The following USH2A variants were observed in gnomAD, a reference collection of about 807,000 sequenced individuals.
USH2A encodes the protein usherin.
In USH2A, 443 loss-of-function variants were observed where a neutral mutation model predicts 538.9. That is an observed-to-expected ratio of 0.82 (90% CI 0.76 to 0.89). The LOEUF (loss-of-function observed/expected upper bound fraction) is 0.89. USH2A is among the 40% of genes least tolerant of loss of function. USH2A has a pLI of 0.00. For missense variants in USH2A, 6,633 were observed against 6,324.8 expected (o/e 1.05, Z -1.65); for synonymous variants, 2,413 against 2,273.5 (o/e 1.06, Z -1.75).
intron 32 of USH2A, among the ~76,000 whole-genome samples, chr1:216,039,106 C>T (rs1319976388): frequency 1.3e-5 from 2 of 151,978 alleles, no homozygotes; most frequent in African/African-American, 4.8e-5. Flanking sequence ...CAGCTAACCA[C>T]AACTGATATT....
intron 43 of USH2A, among the ~76,000 whole-genome samples, chr1:215,876,856 T>A (rs1664786511): frequency 1.3e-5 from 2 of 152,032 alleles, no homozygotes; most frequent in South Asian, 4.1e-4. Flanking sequence ...GCAATACAAA[T>A]GTGGCTGGAA....
Position 215,888,760 on chromosome 1 carries a change from G to C in USH2A, c.7889C>G (p.Pro2630Arg). Residue 2630 changes from proline to arginine, a missense_variant, in exon 41 of 72, where the codon CCA (proline) becomes CGA (arginine). Pro to Arg is a moderately radical substitution (Grantham distance 103, BLOSUM62 -2). Transcript: ENST00000307340. ...LPGAPEGIPS[P>R]ELFSDTPTSV... The stretch of plus-strand genomic sequence containing the variant: ...TGTTGGAGTATCAGAGAACAGCTCT[G>C]GACTTGGGATCCCTTCCGGTGCCCC... The C allele has an allele frequency of 6.2e-7, 1 of 1,614,106 alleles. No homozygotes were observed.
rs374971191 is a variant in USH2A, at chr1:215,815,229, T to C, written c.9571-1325A>G. Among the ~76,000 whole-genome samples the C allele has an allele frequency of 7.9e-5, 12 of 152,230 alleles. No individual in the cohort carries two copies. The East Asian group carries it at 1.5e-3, about 20-fold the overall frequency. On this transcript the variant is annotated intron_variant, in intron 48 of 71. Transcript: ENST00000307340. ...AGACTTTGTTTAAGGCATCATTAAA[T>C]AGTGTGTCTCGTTTTAGTGTAATAA... is the stretch of plus-strand genomic sequence containing the variant.
chr1:216,167,290 T>C (rs529559093), intron 21 of USH2A, among the ~76,000 whole-genome samples: 1 of 152,074 alleles, frequency 6.6e-6, no homozygotes, highest in African/African-American at 2.4e-5. Flanking sequence ...TGTTACACTA[T>C]CTCTCTAAAA....
intron 21 of USH2A, among the ~76,000 whole-genome samples, chr1:216,137,292 T>C (rs487739): frequency 0.8 from 121,377 of 151,992 alleles, 48,562 homozygotes; most frequent in African/African-American, 0.81. Flanking sequence ...AAACTGGGAA[T>C]AAAAAGAGAT....
chr1:215,943,431 G>A lies in USH2A; in HGVS notation c.7121-8636C>T, dbSNP rs75700030. ...AAGCCTTGAGAGAATCATAATTAAT[G>A]CATAAGTAAAAAGATCAAGAAACTC... On this transcript the variant is annotated intron_variant, in intron 37 of 71. Coordinates refer to ENST00000307340, the MANE Select transcript of USH2A (RefSeq NM_206933.4). Among the ~76,000 whole-genome samples, 224 of 152,258 alleles carry A rather than the reference G, an allele frequency of 1.5e-3. 4 individuals are homozygous for A. In the East Asian group the frequency reaches 0.032, roughly 22 times the overall value.
intron 50 of USH2A, among the ~76,000 whole-genome samples, chr1:215,793,753 C>T (rs1189300245): frequency 6.6e-6 from 1 of 152,124 alleles, no homozygotes; most frequent in Admixed American, 6.5e-5. Flanking sequence ...AAAACTCAGT[C>T]TTGTATTCTG....
chr1:215,775,070 CA>C (rs1006966436), intron 55 of USH2A, among the ~76,000 whole-genome samples: 2 of 152,062 alleles, frequency 1.3e-5, no homozygotes, highest in Non-Finnish European at 2.9e-5. Context: ...GCATTGCAAA[CA>C]ACCATAGAAG....
chr1:215,682,532 T>C lies in USH2A; in HGVS notation c.12067-2156A>G, dbSNP rs149449356. 2.6e-5 allele frequency among the ~76,000 whole-genome samples: 4 copies of C among 152,180 alleles called. No homozygotes were observed. In the East Asian group the frequency reaches 7.7e-4, roughly 29 times the overall value. ...ACCATTAAAAAAATAACAAAACTGA[T>C]TTCATTATAGATTCGTTTAATAAAC... On this transcript the variant is annotated intron_variant, in intron 61 of 71. Coordinates refer to ENST00000307340, the MANE Select transcript of USH2A (RefSeq NM_206933.4).
In USH2A at chr1:216,178,744, G is replaced by A. The variant is rs562364524; in HGVS notation, c.4397-3262C>T. Among the ~76,000 whole-genome samples, 11 of 152,240 alleles carry A rather than the reference G, an allele frequency of 7.2e-5. No individual in the cohort carries two copies. The East Asian group carries it at 1.9e-3, about 27-fold the overall frequency. On this transcript the variant is annotated intron_variant, in intron 20 of 71. Transcript: ENST00000307340. ...CCAATGAAGGAAATGTTCTAGGACT[G>A]TAATGTTTAATACGGTAACCACTAG... is the stretch of plus-strand genomic sequence containing the variant.
chr1:216,383,866 C>CTTTTT (rs57494312), intron 3 of USH2A, among the ~76,000 whole-genome samples: 17 of 134,916 alleles, frequency 1.3e-4, no homozygotes, highest in African/African-American at 4.8e-4. Context: ...TTCTTTCTTT[C>CTTTTT]TTTTTTTTTT....
chr1:216,248,685 A>T (rs1434108352), intron 12 of USH2A, among the ~76,000 whole-genome samples: 4 of 152,114 alleles, frequency 2.6e-5, no homozygotes, highest in Non-Finnish European at 5.9e-5. Flanking sequence ...TTTAAAAATA[A>T]CTGTATTGTT....
At chr1:216,134,540 AG>A (rs914005884) in intron 21 of USH2A, among the ~76,000 whole-genome samples, 2 of 152,136 alleles carry the variant, frequency 1.3e-5, no homozygotes, top group African/African-American at 4.8e-5. Flanking sequence ...AAGATAATAT[AG>A]GGTTTGCATT....
intron 64 of USH2A, among the ~76,000 whole-genome samples, chr1:215,666,670 G>A (rs574992158): frequency 2.0e-5 from 3 of 152,236 alleles, no homozygotes; most frequent in South Asian, 4.1e-4. Context: ...ACAAAGCTGA[G>A]AACCACTGAT....
intron 32 of USH2A, among the ~76,000 whole-genome samples, chr1:216,039,352 G>A (rs944746050): frequency 6.6e-6 from 1 of 151,904 alleles, no homozygotes; most frequent in Non-Finnish European, 1.5e-5. Flanking sequence ...AAGTTTCTCA[G>A]ACTTTGTACA....
At chr1:216,392,620 T>C (rs990918857) in intron 3 of USH2A, among the ~76,000 whole-genome samples, 1 of 151,928 alleles carries the variant, frequency 6.6e-6, no homozygotes, top group Non-Finnish European at 1.5e-5. Context: ...TACCTTGAAC[T>C]ATGAAGGTAC....
chr1:216,283,103 G>A (rs1173006016), intron 11 of USH2A, among the ~76,000 whole-genome samples: 1 of 151,952 alleles, frequency 6.6e-6, no homozygotes, highest in Non-Finnish European at 1.5e-5. Context: ...TGTTGTTGTT[G>A]TTAGATGTAG....
chr1:215,951,461 A>C (rs1177701730), intron 37 of USH2A, among the ~76,000 whole-genome samples: 13 of 152,118 alleles, frequency 8.5e-5, no homozygotes, highest in African/African-American at 3.1e-4. Flanking sequence ...GCTGAGGAGT[A>C]CTTTACTTCC....
chr1:216,169,134 G>A (rs2034226512), intron 21 of USH2A, among the ~76,000 whole-genome samples: 1 of 152,090 alleles, frequency 6.6e-6, no homozygotes, highest in Admixed American at 6.6e-5. Flanking sequence ...AGACCTTCTG[G>A]AAAACATATG....
Sources: gnomAD v4.1 joint callset for allele counts (sites outside exome capture counted in the v4.1 genomes callset) on GRCh38, gnomAD v4.1.1 for gene constraint, MANE v1.5 for transcripts, NCBI Gene and HGNC (gene_info 2026-07-23, HGNC 2026-07-21) for gene names.